The following CPT1A variants were observed in gnomAD, a reference collection of about 807,000 sequenced individuals.
CPT1A encodes the protein carnitine O-palmitoyltransferase 1, liver isoform.
In CPT1A, 64 loss-of-function variants were observed where a neutral mutation model predicts 100.8. The observed-to-expected ratio is 0.63, with a 90% confidence interval of 0.52 to 0.78. The LOEUF is 0.78. Ranked by LOEUF, CPT1A falls within the 30% of genes least tolerant of loss-of-function variation. CPT1A has a pLI of 0.00. For missense variants in CPT1A, 802 were observed against 1,034.1 expected (o/e 0.78, Z 3.08); for synonymous variants, 363 against 396.0 (o/e 0.92, Z 0.99).
At position 68,839,681 on chromosome 11, in the gene CPT1A, G is replaced by A. The variant is rs569966820; in HGVS notation, c.-14+2094C>T. On this transcript the variant is annotated intron_variant, in intron 1 of 18. Transcript: ENST00000265641. ...CACCGCGCTCAAGAGCCCAGGGCGC[G>A]TCTAAAAGGGGCTCACTGTGAAGCC... The A allele has an allele frequency of 1.0e-5, 10 of 985,500 alleles. No individual in the cohort carries two copies. In the East Asian group the frequency reaches 4.5e-4, roughly 45 times the overall value. 61.0% of individuals were successfully genotyped at this position (985,500 alleles called of 1,614,324 possible).
chr11:68,818,192 C>T (rs1420421518), intron 1 of CPT1A, among the ~76,000 whole-genome samples: 1 of 152,062 alleles, frequency 6.6e-6, no homozygotes, highest in Non-Finnish European at 1.5e-5. Flanking sequence ...GGACAATGAC[C>T]CACACAAGAC....
chr11:68,811,729 T>A (rs1351508466), intron 3 of CPT1A, among the ~76,000 whole-genome samples: 1 of 152,196 alleles, frequency 6.6e-6, no homozygotes, highest in Non-Finnish European at 1.5e-5. Context: ...GTGCAGGCTC[T>A]GACCTTCCTA....
chr11:68,799,374 A>C lies in CPT1A; in HGVS notation c.556-19T>G, dbSNP rs117610994. On this transcript the variant is annotated intron_variant, in intron 5 of 18. Coordinates refer to ENST00000265641, the MANE Select transcript of CPT1A (RefSeq NM_001876.4). ...GTAGATACTGGGATTATTGGGGGAA[A>C]AAAAAATCACCCAAGTTAAAACATA... 0.014 allele frequency: 22,795 copies of C among 1,613,198 alleles called. 309 individuals are homozygous for C. The highest frequency in any genetic ancestry group is 0.064 in the Middle Eastern group (390 of 6,062).
At chr11:68,796,962 G>A (rs763384226) in intron 6 of CPT1A, 29 bp from the exon 7 acceptor site, 16 of 1,608,328 alleles carry the variant, frequency 9.9e-6, no homozygotes, top group Middle Eastern at 1.7e-4. Context: ...AGACAAACCC[G>A]CAGGCTCAGC....
intron 1 of CPT1A, among the ~76,000 whole-genome samples, chr11:68,831,182 G>A (rs921989070): frequency 1.3e-5 from 2 of 151,944 alleles, no homozygotes; most frequent in Non-Finnish European, 2.9e-5. Flanking sequence ...CACCTCTTTC[G>A]AAGTCATTGG....
intron 1 of CPT1A, among the ~76,000 whole-genome samples, chr11:68,827,188 C>A (rs1210612329): frequency 2.0e-5 from 3 of 151,966 alleles, no homozygotes; most frequent in Non-Finnish European, 2.9e-5. Context: ...CAAAAATAAA[C>A]CAGGCGCGGT....
intron 1 of CPT1A, among the ~76,000 whole-genome samples, chr11:68,837,686 G>A (rs908508331): frequency 6.6e-6 from 1 of 152,134 alleles, no homozygotes; most frequent in Non-Finnish European, 1.5e-5. Context: ...GAAAAAGGGT[G>A]CTTCGGGCAG....
At position 68,781,867 on chromosome 11, in the gene CPT1A, G is replaced by A. The variant is rs751112551; in HGVS notation, c.1256C>T (p.Thr419Met). 41 of 1,613,994 alleles carry A rather than the reference G, an allele frequency of 2.5e-5. No homozygotes were observed. Among genetic ancestry groups the A allele is most frequent in the Non-Finnish European group, 3.3e-5 (39 of 1,179,952 alleles). ...DAVEKAAFFV[T>M]LDETEEGYRS... Reference sequence around the variant, plus strand: ...GTATCCTTCTTCAGTTTCATCTAACGTCACAAAGAACGCTGCTTTCTCCAC... The same window carrying A: ...GTATCCTTCTTCAGTTTCATCTAACATCACAAAGAACGCTGCTTTCTCCAC... The change falls in exon 11 of 19, where the codon ACG (threonine) becomes ATG (methionine). Residue 419 changes from threonine (T) to methionine (M), a missense_variant. Thr to Met is a moderately conservative substitution (Grantham distance 81). This residue lies in a region of CPT1A where 627 missense variants were observed against 799.3 expected (regional missense o/e 0.78). Coordinates refer to ENST00000265641, the MANE Select transcript of CPT1A (RefSeq NM_001876.4).
At chr11:68,842,242 G>A (rs1361378350), upstream of CPT1A, among the ~76,000 whole-genome samples, 1 of 152,140 alleles carries the variant, frequency 6.6e-6, no homozygotes, top group Non-Finnish European at 1.5e-5. Flanking sequence ...CCCCCTGATG[G>A]TATTCACCCC....
rs368731464 is a variant in CPT1A, at chr11:68,760,024, G to C, written c.2142+201C>G. 6.2e-4 allele frequency among the ~76,000 whole-genome samples: 95 copies of C among 152,268 alleles called. No homozygotes were observed. The South Asian group carries it at 0.019, about 30-fold the overall frequency. ...TTACTGCACTCCAGCCTGGGTGACA[G>C]AGCGAGACCTTGTCTCAAAAAAATA... On this transcript the variant is annotated intron_variant, in intron 17 of 18. Coordinates refer to ENST00000265641, the MANE Select transcript of CPT1A (RefSeq NM_001876.4).
In CPT1A at chr11:68,817,108, T is replaced by G. The variant is rs375851898; in HGVS notation, c.-13-1621A>C. ...TGTGGTTGTGTGTGTGTGGTGTGTG[T>G]GTGTGGGTGTGTGGTGATGTGTGGT... On this transcript the variant is annotated intron_variant, in intron 1 of 18. Transcript: ENST00000265641. 7.4e-3 allele frequency among the ~76,000 whole-genome samples: 1,020 copies of G among 137,686 alleles called. 19 individuals carry two copies. Among genetic ancestry groups the G allele is most frequent in the African/African-American group, 0.027 (973 of 36,160 alleles). The allele number at this position is 137,686 out of a possible 152,430, so 90.3% of individuals were successfully genotyped here.
intron 1 of CPT1A, among the ~76,000 whole-genome samples, chr11:68,823,517 G>A (rs942335653): frequency 7.1e-4 from 108 of 152,100 alleles, no homozygotes; most frequent in Non-Finnish European, 2.4e-4. Context: ...GGCCGGGCAC[G>A]GTGGTTCACG....
intron 1 of CPT1A, 135 bp from the exon 2 acceptor site, chr11:68,815,622 A>G (rs1375741418): frequency 1.4e-5 from 12 of 857,584 alleles, no homozygotes; most frequent in East Asian, 5.3e-5. Context: ...TTTCATCAAC[A>G]GACCAATTCC....
chr11:68,771,732 C>T (rs1250656569), intron 14 of CPT1A, among the ~76,000 whole-genome samples: 1 of 152,200 alleles, frequency 6.6e-6, no homozygotes, highest in Non-Finnish European at 1.5e-5. Context: ...CTGCCTCTTA[C>T]TTCTCTGTAA....
intron 14 of CPT1A, among the ~76,000 whole-genome samples, chr11:68,772,723 T>G (rs1264517379): frequency 6.6e-6 from 1 of 151,982 alleles, no homozygotes; most frequent in Admixed American, 6.6e-5. Context: ...TACCAAAATT[T>G]AATTTAGTAT....
chr11:68,816,252 T>C (rs1256866928), intron 1 of CPT1A, among the ~76,000 whole-genome samples: 1 of 152,212 alleles, frequency 6.6e-6, no homozygotes, highest in Non-Finnish European at 1.5e-5. Context: ...CTCTGGTGTC[T>C]GTGTGGCTGC....
chr11:68,830,337 T>TGGAGCCCACCTGCTG (rs1566389255), intron 1 of CPT1A, among the ~76,000 whole-genome samples: 1 of 151,912 alleles, frequency 6.6e-6, no homozygotes, highest in Non-Finnish European at 1.5e-5. Flanking sequence ...ATCGCCCACC[T>TGGAGCCCACCTGCTG]GGAGCCCACC....
intron 1 of CPT1A, among the ~76,000 whole-genome samples, chr11:68,833,945 C>G (rs1158284141): frequency 6.6e-6 from 1 of 152,024 alleles, no homozygotes; most frequent in Admixed American, 6.6e-5. Context: ...CTTGCCTCAG[C>G]CTAAGCTGGG....
chr11:68,826,437 G>A (rs1407558881), intron 1 of CPT1A, among the ~76,000 whole-genome samples: 12 of 126,706 alleles, frequency 9.5e-5, no homozygotes, highest in East Asian at 2.4e-4. Flanking sequence ...GTGAGACTCC[G>A]TCTCAAAAAA....
Sources: gnomAD v4.1 joint callset for allele counts (sites outside exome capture counted in the v4.1 genomes callset) on GRCh38, gnomAD v4.1.1 for gene constraint, gnomAD v4.1.1 regional missense constraint, MANE v1.5 for transcripts, NCBI Gene and HGNC (gene_info 2026-07-23, HGNC 2026-07-21) for gene names.